THADA: variants seen among roughly 807,000 people sequenced by gnomAD.
The protein encoded by THADA is THADA armadillo repeat containing, also known as tRNA (32-2'-O)-methyltransferase regulator THADA.
A neutral mutation model predicts 219.8 loss-of-function variants in THADA; 213 were observed. That is an observed-to-expected ratio of 0.97 (90% CI 0.87 to 1.09). The LOEUF is 1.09. Among genes scored for constraint, THADA ranks in the 50% least tolerant of loss-of-function variants. THADA has a pLI of 0.00. For missense variants in THADA, 2,956 were observed against 2,311.3 expected (o/e 1.28, Z -5.72); for synonymous variants, 1,018 against 828.9 (o/e 1.23, Z -3.92).
At chr2:43,529,754 G>A (rs1018920114) in intron 21 of THADA, among the ~76,000 whole-genome samples, 6 of 152,118 alleles carry the variant, frequency 3.9e-5, no homozygotes, top group African/African-American at 1.4e-4. Context: ...TCTCAGATAT[G>A]CTTACCTAGA....
At chr2:43,369,800 C>G (rs1670592734) in intron 29 of THADA, among the ~76,000 whole-genome samples, 1 of 152,192 alleles carries the variant, frequency 6.6e-6, no homozygotes. Flanking sequence ...AGACATATAG[C>G]CAAATGACTT....
At chr2:43,388,162 AC>A (rs1428015095) in intron 29 of THADA, among the ~76,000 whole-genome samples, 1 of 152,230 alleles carries the variant, frequency 6.6e-6, no homozygotes, top group Non-Finnish European at 1.5e-5. Flanking sequence ...TATACTAAAA[AC>A]AAATAACAAC....
chr2:43,343,676 T>A lies in THADA; in HGVS notation c.4343+446A>T, dbSNP rs186913040. The A allele has an allele frequency of 1.6e-3, 243 of 153,028 alleles. 3 individuals are homozygous for A. Among genetic ancestry groups the A allele is most frequent in the Admixed American group, 0.012 (182 of 15,386 alleles). The allele number at this position is 153,028 out of a possible 1,614,324, so 9.5% of individuals were successfully genotyped here. A position where few individuals can be genotyped will look rare whatever the true frequency, so the allele number is the denominator to read the frequency against. On this transcript the variant is annotated intron_variant, in intron 30 of 37. Transcript: ENST00000405975. ...TATTCAAGCTACCTTACTACCCACC[T>A]AAGAAAGGCAACTTCCATCCCCTCT...
At chr2:43,354,309 A>C (rs1000451443) in intron 29 of THADA, among the ~76,000 whole-genome samples, 2 of 152,018 alleles carry the variant, frequency 1.3e-5, no homozygotes, top group Non-Finnish European at 2.9e-5. Flanking sequence ...AGGGTACATA[A>C]GATATTTTGA....
At chr2:43,465,916 G>A (rs961730853) in intron 26 of THADA, among the ~76,000 whole-genome samples, 1 of 152,166 alleles carries the variant, frequency 6.6e-6, no homozygotes, top group African/African-American at 2.4e-5. Flanking sequence ...AATCCTCGCT[G>A]CTGTAAATGG....
chr2:43,513,892 A>G lies in THADA; in HGVS notation c.3375-5112T>C, dbSNP rs190871405. Among the ~76,000 whole-genome samples, 127 of 152,234 alleles carry G rather than the reference A, an allele frequency of 8.3e-4. 1 individual carries two copies. The highest frequency in any genetic ancestry group is 2.6e-3 in the African/African-American group (110 of 41,532). ...ATACTGAAGTGATAAATAAGGGAAT[A>G]ACTTCTATTTAAGAAGAGTTAACTG... On this transcript the variant is annotated intron_variant, in intron 22 of 37. Transcript: ENST00000405975.
At chr2:43,386,857 C>G (rs1175930736) in intron 29 of THADA, among the ~76,000 whole-genome samples, 1 of 149,894 alleles carries the variant, frequency 6.7e-6, no homozygotes, top group African/African-American at 2.5e-5. Flanking sequence ...GAGAGCATGC[C>G]ACTGCACTCT....
chr2:43,574,541 A>C lies in THADA; in HGVS notation c.1524T>G (p.His508Gln). 1 of 1,614,022 alleles carries C rather than the reference A, an allele frequency of 6.2e-7. No individual in the cohort carries two copies. The highest frequency in any genetic ancestry group is 2.2e-5 in the East Asian group (1 of 44,882). The change falls in exon 11 of 38, where the codon CAT (histidine) becomes CAG (glutamine). Residue 508 changes from histidine to glutamine, a missense_variant. Transcript: ENST00000405975. ...LETMFRNHKS[H>Q]LKSQTAESSW... Reference sequence around the variant, plus strand: ...AACTCTCAGCAGTCTGGGATTTCAAATGACTCTTATGATTTCTAAACATGG... The same window carrying C: ...AACTCTCAGCAGTCTGGGATTTCAACTGACTCTTATGATTTCTAAACATGG...
chr2:43,290,098 G>A (rs1325267306), intron 34 of THADA, among the ~76,000 whole-genome samples: 2 of 149,672 alleles, frequency 1.3e-5, no homozygotes, highest in Non-Finnish European at 1.5e-5. Flanking sequence ...TCAGCCTCCC[G>A]AGTAGCTGGG....
At chr2:43,238,999 A>T (rs1319090701) in intron 36 of THADA, among the ~76,000 whole-genome samples, 1 of 152,112 alleles carries the variant, frequency 6.6e-6, no homozygotes, top group Non-Finnish European at 1.5e-5. Flanking sequence ...TATGCCCTAG[A>T]ATCTTCCTGG....
At chr2:43,263,584 G>A (rs757557722) in intron 36 of THADA, among the ~76,000 whole-genome samples, 7 of 152,122 alleles carry the variant, frequency 4.6e-5, no homozygotes, top group Non-Finnish European at 7.4e-5. Flanking sequence ...GAAACACCAA[G>A]CCAGGTCCTC....
intron 31 of THADA, among the ~76,000 whole-genome samples, chr2:43,317,830 C>T (rs1180066966): frequency 6.6e-6 from 1 of 152,138 alleles, no homozygotes; most frequent in African/African-American, 2.4e-5. Context: ...AAAATTTGTG[C>T]TGTCTGATAA....
intron 37 of THADA, among the ~76,000 whole-genome samples, chr2:43,232,112 T>C (rs1667497957): frequency 6.6e-6 from 1 of 152,220 alleles, no homozygotes; most frequent in Non-Finnish European, 1.5e-5. Flanking sequence ...CTAACTCCAA[T>C]ACTGACTAAC....
At chr2:43,432,940 G>A (rs1679560338) in intron 26 of THADA, among the ~76,000 whole-genome samples, 1 of 152,066 alleles carries the variant, frequency 6.6e-6, no homozygotes, top group South Asian at 2.1e-4. Flanking sequence ...ATTTAATAAT[G>A]TCTTTTGATG....
At chr2:43,314,036 A>C (rs953946205) in intron 31 of THADA, among the ~76,000 whole-genome samples, 10 of 152,236 alleles carry the variant, frequency 6.6e-5, no homozygotes, top group Non-Finnish European at 1.5e-5. Context: ...GATGCTCAAT[A>C]AATGTTGGCC....
At chr2:43,377,108 C>T (rs768686618) in intron 29 of THADA, among the ~76,000 whole-genome samples, 38 of 152,126 alleles carry the variant, frequency 2.5e-4, no homozygotes, top group Non-Finnish European at 4.3e-4. Context: ...AAAGAGAAGG[C>T]GGCTGTGGGG....
intron 36 of THADA, among the ~76,000 whole-genome samples, chr2:43,275,567 T>G (rs913982976): frequency 6.6e-6 from 1 of 152,128 alleles, no homozygotes; most frequent in African/African-American, 2.4e-5. Context: ...TAGCCATCCT[T>G]AAGCCCATCC....
rs577387263 is a variant in THADA, at chr2:43,531,016, C to T, written c.3265-3028G>A. Among the ~76,000 whole-genome samples, 16 of 152,212 alleles carry T rather than the reference C, an allele frequency of 1.1e-4. 1 individual carries two copies. The East Asian group carries it at 2.5e-3, about 24-fold the overall frequency. ...TTCCTTTTGAAGATAATGTAAAATT[C>T]CTGTTAGATAACAGTCTTTCTTTAG... On this transcript the variant is annotated intron_variant, in intron 21 of 37. Transcript: ENST00000405975.
chr2:43,377,496 A>C (rs1158181708), intron 29 of THADA, among the ~76,000 whole-genome samples: 6 of 152,150 alleles, frequency 3.9e-5, no homozygotes, highest in Non-Finnish European at 8.8e-5. Flanking sequence ...GTGATAGATG[A>C]GGTGCAGTGA....
Sources: allele counts gnomAD v4.1 joint callset (sites outside exome capture counted in the v4.1 genomes callset), GRCh38; gene constraint gnomAD v4.1.1; transcripts MANE v1.5; gene names NCBI Gene and HGNC (gene_info 2026-07-23, HGNC 2026-07-21).